The following CNTNAP2 variants were observed in gnomAD, a reference collection of about 807,000 sequenced individuals.
The protein encoded by CNTNAP2 is contactin-associated protein-like 2.
In CNTNAP2, 98 loss-of-function variants were observed where a neutral mutation model predicts 155.2. The ratio of observed to expected loss-of-function variants is 0.63; its 90% CI spans 0.54 to 0.75. CNTNAP2 has a LOEUF of 0.75. Among genes scored for constraint, CNTNAP2 ranks in the 30% least tolerant of loss-of-function variants. CNTNAP2 has a pLI of 0.00. For missense variants in CNTNAP2, 1,727 were observed against 1,688.1 expected (o/e 1.02, Z -0.40); for synonymous variants, 651 against 631.2 (o/e 1.03, Z -0.47).
rs758872371 is a variant in CNTNAP2 at position 147,290,705 on chromosome 7, AGGCACTGGATATACAGTGAAAAG to A, written c.1349-9435_1349-9413del. On this transcript the variant is annotated intron_variant, in intron 8 of 23. Coordinates refer to ENST00000361727, the MANE Select transcript of CNTNAP2 (RefSeq NM_014141.6). Reference sequence around the variant, plus strand: ...CTCCAAAAAAAAAAAAAAAAAAAAAAGGCACTGGATATACAGTGAAAAGAGGCACTGGATATACAGTGAAAAGA... The same window carrying A: ...CTCCAAAAAAAAAAAAAAAAAAAAAAAGGCACTGGATATACAGTGAAAAGA... Among the ~76,000 whole-genome samples, 9 of 146,474 alleles carry A rather than the reference AGGCACTGGATATACAGTGAAAAG, an allele frequency of 6.1e-5. No homozygotes were observed. In the East Asian group the frequency reaches 9.9e-4, roughly 16 times the overall value.
intron 13 of CNTNAP2, among the ~76,000 whole-genome samples, chr7:147,859,561 A>G (rs13235812): frequency 0.66 from 99,901 of 151,724 alleles, 33,138 homozygotes; most frequent in Middle Eastern, 0.79. Flanking sequence ...ATTTTAAGAC[A>G]GTTTTCCTCA....
At chr7:147,575,744 T>C (rs1466945118) in intron 12 of CNTNAP2, among the ~76,000 whole-genome samples, 1 of 152,018 alleles carries the variant, frequency 6.6e-6, no homozygotes, top group Non-Finnish European at 1.5e-5. Context: ...TTAATGTAAA[T>C]TAATAAATTT....
chr7:146,153,844 T>C (rs1798086734), intron 1 of CNTNAP2, among the ~76,000 whole-genome samples: 1 of 151,624 alleles, frequency 6.6e-6, no homozygotes, highest in Non-Finnish European at 1.5e-5. Context: ...ATAATGTTTT[T>C]AGGTATTCAT....
At chr7:146,644,579 G>A (rs575593143) in intron 1 of CNTNAP2, among the ~76,000 whole-genome samples, 1 of 152,050 alleles carries the variant, frequency 6.6e-6, no homozygotes, top group East Asian at 1.9e-4. Flanking sequence ...GAGGATTTTT[G>A]CATCAATATT....
At chr7:146,871,945 C>G (rs1350123865) in intron 3 of CNTNAP2, among the ~76,000 whole-genome samples, 1 of 151,946 alleles carries the variant, frequency 6.6e-6, no homozygotes, top group Non-Finnish European at 1.5e-5. Flanking sequence ...GATTTCCTTC[C>G]TAATTATGTT....
At chr7:147,969,296 C>A (rs1443333966) in intron 14 of CNTNAP2, among the ~76,000 whole-genome samples, 1 of 152,122 alleles carries the variant, frequency 6.6e-6, no homozygotes, top group Non-Finnish European at 1.5e-5. Flanking sequence ...AGTGATCCTC[C>A]CATCTTGATC....
At chr7:146,896,342 T>C (rs61633949) in intron 3 of CNTNAP2, among the ~76,000 whole-genome samples, 2,379 of 152,248 alleles carry the variant, frequency 0.016, 62 homozygotes, top group African/African-American at 0.055. Context: ...ACTCTTTTAC[T>C]TGGGTGATGC....
intron 8 of CNTNAP2, among the ~76,000 whole-genome samples, chr7:147,284,961 C>A (rs914767890): frequency 6.6e-6 from 1 of 151,808 alleles, no homozygotes; most frequent in African/African-American, 2.4e-5. Flanking sequence ...GCAGGAAAAA[C>A]CTACCTGTAA....
chr7:146,189,099 C>G (rs1231992875), intron 1 of CNTNAP2, among the ~76,000 whole-genome samples: 1 of 152,084 alleles, frequency 6.6e-6, no homozygotes, highest in Admixed American at 6.6e-5. Flanking sequence ...TATTTGTAAT[C>G]ATAAAGTAAA....
At chr7:146,706,791 A>G (rs1800973163) in intron 1 of CNTNAP2, among the ~76,000 whole-genome samples, 1 of 152,038 alleles carries the variant, frequency 6.6e-6, no homozygotes. Context: ...GAGCAGGGAG[A>G]GGATCAGGAA....
chr7:146,630,333 A>G (rs1033960772), intron 1 of CNTNAP2, among the ~76,000 whole-genome samples: 21 of 152,108 alleles, frequency 1.4e-4, no homozygotes, highest in African/African-American at 4.8e-4. Flanking sequence ...TTACGGCTGC[A>G]TAGTATTCCA....
At chr7:146,468,548 T>C (rs111785463) in intron 1 of CNTNAP2, among the ~76,000 whole-genome samples, 7 of 152,298 alleles carry the variant, frequency 4.6e-5, no homozygotes, top group African/African-American at 7.2e-5. Flanking sequence ...GACTGTGAGA[T>C]TGAACTGACT....
intron 9 of CNTNAP2, among the ~76,000 whole-genome samples, chr7:147,366,718 T>C (rs1017930804): frequency 1.3e-5 from 2 of 152,024 alleles, no homozygotes; most frequent in African/African-American, 4.8e-5. Context: ...TCTTTTGATA[T>C]CCACAATCAA....
intron 21 of CNTNAP2, among the ~76,000 whole-genome samples, chr7:148,303,756 A>G (rs1797437343): frequency 6.6e-6 from 1 of 152,224 alleles, no homozygotes; most frequent in African/African-American, 2.4e-5. Context: ...ATAGAAAATG[A>G]CCTTTCAGAT....
chr7:147,121,242 T>A, intron 6 of CNTNAP2, 79 bp downstream of exon 6: 1 of 1,368,146 alleles, frequency 7.3e-7, no homozygotes, highest in South Asian at 1.2e-5. Context: ...TTATTGTTAA[T>A]TATATTACTA....
intron 22 of CNTNAP2, among the ~76,000 whole-genome samples, chr7:148,387,837 G>A (rs1161315850): frequency 1.3e-5 from 2 of 151,964 alleles, no homozygotes; most frequent in African/African-American, 4.8e-5. Flanking sequence ...TCTCGAATAG[G>A]GGCTGGGTAA....
At chr7:148,001,974 C>T (rs1375876283) in intron 15 of CNTNAP2, among the ~76,000 whole-genome samples, 4 of 152,106 alleles carry the variant, frequency 2.6e-5, no homozygotes, top group African/African-American at 9.7e-5. Flanking sequence ...TATGTCTGTA[C>T]ATTTTTTATT....
At chr7:146,424,773 T>G (rs1563078604) in intron 1 of CNTNAP2, among the ~76,000 whole-genome samples, 1 of 152,120 alleles carries the variant, frequency 6.6e-6, no homozygotes, top group African/African-American at 2.4e-5. Flanking sequence ...TTGCATAGAT[T>G]TCATCTAAAA....
chr7:147,883,364 G>A (rs1302578127), intron 13 of CNTNAP2, among the ~76,000 whole-genome samples: 3 of 152,128 alleles, frequency 2.0e-5, no homozygotes, highest in Non-Finnish European at 4.4e-5. Flanking sequence ...TGAAAAGATA[G>A]ATTCAGAGTA....
Sources: allele counts gnomAD v4.1 joint callset (sites outside exome capture counted in the v4.1 genomes callset), GRCh38; gene constraint gnomAD v4.1.1; transcripts MANE v1.5; gene names NCBI Gene and HGNC (gene_info 2026-07-23, HGNC 2026-07-21).